The following CDH1 variants were observed in gnomAD, a reference collection of about 807,000 sequenced individuals.
The protein encoded by CDH1 is cadherin 1.
CDH1 carries 35 observed loss-of-function variants against 84.5 expected under a neutral mutation model. The ratio of observed to expected loss-of-function variants is 0.41; its 90% CI spans 0.32 to 0.55. The LOEUF (loss-of-function observed/expected upper bound fraction) is 0.55. Among genes scored for constraint, CDH1 ranks in the 20% least tolerant of loss-of-function variants. CDH1 has a pLI of 0.19. For missense variants in CDH1, 994 were observed against 1,126.6 expected (o/e 0.88, Z 1.68); for synonymous variants, 417 against 439.0 (o/e 0.95, Z 0.63).
intron 2 of CDH1, among the ~76,000 whole-genome samples, chr16:68,753,539 G>C (rs564008079): frequency 6.6e-6 from 1 of 151,694 alleles, no homozygotes; most frequent in African/African-American, 2.4e-5. Flanking sequence ...GGGTTTCACC[G>C]TGTTACCCAG....
chr16:68,780,231 T>C (rs1959837546), intron 2 of CDH1, among the ~76,000 whole-genome samples: 1 of 152,034 alleles, frequency 6.6e-6, no homozygotes, highest in Non-Finnish European at 1.5e-5. Context: ...CTTCATTGCC[T>C]TTGACATGGC....
chr16:68,815,822 AAATC>A (rs1290770358), intron 10 of CDH1, 63 bp downstream of exon 10: 8 of 1,561,434 alleles, frequency 5.1e-6, no homozygotes, highest in Admixed American at 5.0e-5. Context: ...TTTTATATGT[AAATC>A]AATAATATGT....
intron 3 of CDH1, 73 bp from the exon 4 acceptor site, chr16:68,808,351 T>C: frequency 6.6e-7 from 1 of 1,511,756 alleles, no homozygotes; most frequent in South Asian, 1.1e-5. Context: ...GCTGTCTGGC[T>C]AGGTTGGACT....
chr16:68,830,782 C>T (rs1217605743), intron 15 of CDH1, among the ~76,000 whole-genome samples: 1 of 152,150 alleles, frequency 6.6e-6, no homozygotes, highest in East Asian at 1.9e-4. Flanking sequence ...AGTCTTTCTT[C>T]TAGCAAACTG....
chr16:68,803,603 C>T (rs554616134), intron 3 of CDH1, among the ~76,000 whole-genome samples: 72 of 152,166 alleles, frequency 4.7e-4, no homozygotes, highest in African/African-American at 1.7e-3. Context: ...ATCATGTTGG[C>T]CAGGCTGGTC....
chr16:68,818,690 A>G (rs1468183771), intron 10 of CDH1, among the ~76,000 whole-genome samples: 22 of 151,016 alleles, frequency 1.5e-4, no homozygotes, highest in Non-Finnish European at 8.9e-5. Flanking sequence ...TCAACTAACA[A>G]TACAAAAAAA....
chr16:68,834,274 T>G lies in CDH1; in HGVS notation c.*775T>G, dbSNP rs1262832730. 5.9e-6 allele frequency: 3 copies of G among 511,394 alleles called. No individual in the cohort carries two copies. Among genetic ancestry groups the G allele is most frequent in the Non-Finnish European group, 7.7e-6 (2 of 260,648 alleles). The allele number at this position is 511,394 out of a possible 1,614,324, so 31.7% of individuals were successfully genotyped here. A position where few individuals can be genotyped will look rare whatever the true frequency, so the allele number is the denominator to read the frequency against. ...TGCCCAGCTCCCCAACTCCCTGCCA[T>G]TTTTTAAGAGACAGTTTCGCTCCAT... On this transcript the variant is annotated 3_prime_UTR_variant, in exon 16 of 16. Transcript: ENST00000261769.
chr16:68,782,570 G>A (rs1343610125), intron 2 of CDH1, among the ~76,000 whole-genome samples: 9 of 152,210 alleles, frequency 5.9e-5, no homozygotes, highest in Admixed American at 2.6e-4. Flanking sequence ...AGGCCTAAGC[G>A]CTGACCGTTA....
rs879026401 is a variant in CDH1, at chr16:68,828,241, A to G, written c.2232A>G (p.Pro744=). 1.9e-6 allele frequency: 3 copies of G among 1,614,060 alleles called. No individual in the cohort carries two copies. Among genetic ancestry groups the G allele is most frequent in the Non-Finnish European group, 2.5e-6 (3 of 1,179,986 alleles). Residue 744 remains proline (P), a synonymous_variant, in exon 14 of 16, where the codon CCA becomes CCG. Coordinates refer to ENST00000261769, the MANE Select transcript of CDH1 (RefSeq NM_004360.5). The stretch of plus-strand genomic sequence containing the variant: ...TGGTCAAAGAGCCCTTACTGCCCCC[A>G]GAGGATGACACCCGGGACAACGTTT... ...RAVVKEPLLP[P]EDDTRDNVYY...
intron 2 of CDH1, among the ~76,000 whole-genome samples, chr16:68,783,743 C>G (rs1229926995): frequency 6.6e-6 from 1 of 152,012 alleles, no homozygotes; most frequent in Non-Finnish European, 1.5e-5. Flanking sequence ...GTGGCATGAT[C>G]TGGACTCACT....
At chr16:68,800,316 T>A (rs1424111824) in intron 2 of CDH1, among the ~76,000 whole-genome samples, 2 of 152,190 alleles carry the variant, frequency 1.3e-5, no homozygotes, top group East Asian at 3.8e-4. Flanking sequence ...TCAGGTAAAT[T>A]TCTTAACCTC....
intron 2 of CDH1, among the ~76,000 whole-genome samples, chr16:68,738,766 G>T (rs1962474077): frequency 6.6e-6 from 1 of 151,952 alleles, no homozygotes; most frequent in East Asian, 1.9e-4. Context: ...CCGTTTTACA[G>T]TTGAGCAAAC....
chr16:68,743,373 C>CT lies in CDH1; in HGVS notation c.163+4965dup, dbSNP rs1166103878. On this transcript the variant is annotated intron_variant, in intron 2 of 15. Coordinates refer to ENST00000261769, the MANE Select transcript of CDH1 (RefSeq NM_004360.5). ...TTTCTTTCTTTCTTTCTTTTCTTTT[C>CT]TTTCTTTTGAGACGGAGTGTCACTC... 6.4e-5 allele frequency among the ~76,000 whole-genome samples: 8 copies of CT among 125,272 alleles called. 1 individual carries two copies. The South Asian group carries it at 7.6e-4, about 12-fold the overall frequency. 82.2% of individuals were successfully genotyped at this position (125,272 alleles called of 152,430 possible).
chr16:68,785,095 G>A (rs1029536847), intron 2 of CDH1, among the ~76,000 whole-genome samples: 5 of 151,968 alleles, frequency 3.3e-5, no homozygotes, highest in South Asian at 2.1e-4. Context: ...TTCTAATAAG[G>A]TGCCTCCCCC....
chr16:68,806,208 G>C (rs1000135592), intron 3 of CDH1, among the ~76,000 whole-genome samples: 3 of 151,014 alleles, frequency 2.0e-5, no homozygotes, highest in African/African-American at 7.3e-5. Context: ...CTGGAGTGCA[G>C]TGGCATGATC....
chr16:68,779,896 GTGTC>G (rs1485928020), intron 2 of CDH1, among the ~76,000 whole-genome samples: 1 of 152,128 alleles, frequency 6.6e-6, no homozygotes. Context: ...TGAGGCCACA[GTGTC>G]TGGCTGTTTC....
chr16:68,755,444 T>C (rs1962994490), intron 2 of CDH1, among the ~76,000 whole-genome samples: 1 of 152,088 alleles, frequency 6.6e-6, no homozygotes, highest in African/African-American at 2.4e-5. Flanking sequence ...GAGGGTCTTG[T>C]TACGTTGCCC....
intron 2 of CDH1, among the ~76,000 whole-genome samples, chr16:68,756,205 G>A (rs1963014612): frequency 6.7e-6 from 1 of 150,252 alleles, no homozygotes; most frequent in East Asian, 1.9e-4. Context: ...CTCACCTTCA[G>A]TACGAGGCTT....
At chr16:68,809,154 A>G (rs1035862080) in intron 5 of CDH1, among the ~76,000 whole-genome samples, 2 of 151,936 alleles carry the variant, frequency 1.3e-5, no homozygotes, top group African/African-American at 4.8e-5. Flanking sequence ...GGAACAGGAC[A>G]GTGATGATAT....
Sources: gnomAD v4.1 joint callset for allele counts (sites outside exome capture counted in the v4.1 genomes callset) on GRCh38, gnomAD v4.1.1 for gene constraint, MANE v1.5 for transcripts, NCBI Gene and HGNC (gene_info 2026-07-23, HGNC 2026-07-21) for gene names.